Variants in CNTN5 observed in about 807,000 individuals in gnomAD.
The protein encoded by CNTN5 is contactin-5.
Under a neutral mutation model 129.1 loss-of-function variants are expected in CNTN5, and 77 were observed. The ratio of observed to expected loss-of-function variants is 0.60; its 90% confidence interval spans 0.50 to 0.72. CNTN5 has a LOEUF of 0.72. CNTN5 is among the 30% of genes least tolerant of loss of function. CNTN5 has a pLI of 0.00. For synonymous variants in CNTN5, 509 were observed against 465.6 expected (o/e 1.09, Z -1.20); for missense variants, 1,478 against 1,328.8 (o/e 1.11, Z -1.75).
At chr11:100,074,775 A>G (rs988398090) in intron 13 of CNTN5, among the ~76,000 whole-genome samples, 4 of 152,118 alleles carry the variant, frequency 2.6e-5, no homozygotes, top group Non-Finnish European at 4.4e-5. Flanking sequence ...GTATAGGATT[A>G]TTTTTAGTGC....
chr11:100,068,414 A>G (rs1943777028), intron 10 of CNTN5, among the ~76,000 whole-genome samples: 1 of 152,160 alleles, frequency 6.6e-6, no homozygotes, highest in Non-Finnish European at 1.5e-5. Context: ...GTAGAATTAA[A>G]AGAGACAGAA....
intron 13 of CNTN5, among the ~76,000 whole-genome samples, chr11:100,098,844 A>C (rs1945113298): frequency 6.6e-6 from 1 of 152,000 alleles, no homozygotes; most frequent in African/African-American, 2.4e-5. Flanking sequence ...GTTGTCCACA[A>C]ATTCCATCAT....
At chr11:99,310,235 G>T (rs1006271612) in intron 1 of CNTN5, among the ~76,000 whole-genome samples, 1 of 151,912 alleles carries the variant, frequency 6.6e-6, no homozygotes, top group Admixed American at 6.6e-5. Context: ...TAATTTATAA[G>T]GAAATAATAT....
chr11:100,111,962 G>T (rs571043061), intron 13 of CNTN5, among the ~76,000 whole-genome samples: 12 of 152,264 alleles, frequency 7.9e-5, no homozygotes, highest in African/African-American at 2.6e-4. Context: ...ACACTACGTT[G>T]TATAGGAAAA....
At chr11:99,949,505 G>T (rs1950625239) in intron 7 of CNTN5, among the ~76,000 whole-genome samples, 2 of 152,160 alleles carry the variant, frequency 1.3e-5, no homozygotes, top group African/African-American at 4.8e-5. Context: ...GAAACCTGGA[G>T]TGAATGCTTT....
intron 1 of CNTN5, among the ~76,000 whole-genome samples, chr11:99,117,118 T>C (rs1044044486): frequency 2.0e-5 from 3 of 152,124 alleles, no homozygotes; most frequent in Non-Finnish European, 2.9e-5. Flanking sequence ...GAAGGAAGAA[T>C]TGGTTCTAGG....
At chr11:99,333,781 G>A (rs1456214356) in intron 2 of CNTN5, among the ~76,000 whole-genome samples, 1 of 151,962 alleles carries the variant, frequency 6.6e-6, no homozygotes, top group Non-Finnish European at 1.5e-5. Context: ...CTTTCCCATA[G>A]ACTGAGTTTT....
intron 2 of CNTN5, among the ~76,000 whole-genome samples, chr11:99,404,818 T>C (rs1298686129): frequency 6.6e-6 from 1 of 152,182 alleles, no homozygotes; most frequent in Non-Finnish European, 1.5e-5. Flanking sequence ...GTGAGTTTTG[T>C]ACCTTCAGAT....
intron 18 of CNTN5, among the ~76,000 whole-genome samples, chr11:100,284,464 T>C (rs1950721476): frequency 6.6e-6 from 1 of 152,216 alleles, no homozygotes; most frequent in Non-Finnish European, 1.5e-5. Flanking sequence ...AATATATAAA[T>C]TTGGGATAGC....
chr11:99,953,922 A>T (rs978615833), intron 7 of CNTN5, among the ~76,000 whole-genome samples: 3 of 152,056 alleles, frequency 2.0e-5, no homozygotes, highest in Non-Finnish European at 4.4e-5. Context: ...TCCCGTGCCT[A>T]TGTCCTGGAT....
chr11:99,749,705 G>C (rs79777254), intron 3 of CNTN5, among the ~76,000 whole-genome samples: 1 of 152,020 alleles, frequency 6.6e-6, no homozygotes, highest in African/African-American at 2.4e-5. Context: ...TTCTCATGTG[G>C]GTTAAAAGGA....
At chr11:99,183,485 C>T (rs1858185347) in intron 1 of CNTN5, among the ~76,000 whole-genome samples, 1 of 152,088 alleles carries the variant, frequency 6.6e-6, no homozygotes, top group Admixed American at 6.6e-5. Flanking sequence ...CATTGGTCAC[C>T]ATTAATCATC....
chr11:100,220,974 T>A (rs955199144), intron 15 of CNTN5, among the ~76,000 whole-genome samples: 4 of 152,200 alleles, frequency 2.6e-5, no homozygotes, highest in Non-Finnish European at 5.9e-5. Flanking sequence ...CGCTTAATGA[T>A]CCTTGGCTGC....
At chr11:99,591,028 T>C (rs1459092241) in intron 3 of CNTN5, among the ~76,000 whole-genome samples, 1 of 152,190 alleles carries the variant, frequency 6.6e-6, no homozygotes, top group Admixed American at 6.5e-5. Flanking sequence ...ATGACTCTGC[T>C]TTTTTTAACT....
At chr11:99,518,003 A>G (rs1049346735) in intron 2 of CNTN5, among the ~76,000 whole-genome samples, 2 of 152,140 alleles carry the variant, frequency 1.3e-5, no homozygotes, top group Non-Finnish European at 2.9e-5. Flanking sequence ...CAAGGGAAAG[A>G]TTAGACATTC....
intron 3 of CNTN5, among the ~76,000 whole-genome samples, chr11:99,687,370 A>G (rs546523437): frequency 6.6e-6 from 1 of 152,290 alleles, no homozygotes; most frequent in African/African-American, 2.4e-5. Context: ...TATTCTGGGT[A>G]AACATAAAGT....
At chr11:99,572,365 C>T (rs1397370077) in intron 3 of CNTN5, among the ~76,000 whole-genome samples, 1 of 152,180 alleles carries the variant, frequency 6.6e-6, no homozygotes, top group Non-Finnish European at 1.5e-5. Context: ...TAAAGCCATC[C>T]TGTGCTAGAT....
At chr11:99,158,833 CTT>C (rs1330028137) in intron 1 of CNTN5, among the ~76,000 whole-genome samples, 3 of 151,994 alleles carry the variant, frequency 2.0e-5, no homozygotes, top group Admixed American at 2.0e-4. Flanking sequence ...GGATAATCAA[CTT>C]ATATAAAAAT....
rs144833475 is a variant in CNTN5, at chr11:100,283,814, C to T, written c.2314+12573C>T. Among the ~76,000 whole-genome samples, 649 of 152,062 alleles carry T rather than the reference C, an allele frequency of 4.3e-3. 5 individuals are homozygous for T. The highest frequency in any genetic ancestry group is 0.014 in the East Asian group (70 of 5,154). On this transcript the variant is annotated intron_variant, in intron 18 of 24. Transcript: ENST00000524871. Reference sequence around the variant, plus strand: ...TACAAAAATTAGCCGGGCGCGGTAGCGGGCACCTGTAATCCCAGCTACTCG... The same window carrying T: ...TACAAAAATTAGCCGGGCGCGGTAGTGGGCACCTGTAATCCCAGCTACTCG...
Sources: allele counts gnomAD v4.1 joint callset (sites outside exome capture counted in the v4.1 genomes callset), GRCh38; gene constraint gnomAD v4.1.1; transcripts MANE v1.5; gene names NCBI Gene and HGNC (gene_info 2026-07-23, HGNC 2026-07-21).